Variants in CSGALNACT2 observed in about 807,000 individuals in gnomAD.
The protein encoded by CSGALNACT2 is chondroitin sulfate N-acetylgalactosaminyltransferase 2.
CSGALNACT2 carries 35 observed loss-of-function variants against 55.3 expected under a neutral mutation model. The ratio of observed to expected loss-of-function variants is 0.63; its 90% CI spans 0.48 to 0.84. CSGALNACT2 has a LOEUF of 0.84. CSGALNACT2 is among the 40% of genes least tolerant of loss of function. The probability of loss-of-function intolerance (pLI) is 0.00; values close to 1 mark genes in which losing one functional copy is unlikely to be tolerated. For synonymous variants in CSGALNACT2, 196 were observed against 224.9 expected (o/e 0.87, Z 1.15); for missense variants, 544 against 657.5 (o/e 0.83, Z 1.89).
chr10:43,177,746 G>C (rs1025410161), intron 7 of CSGALNACT2, among the ~76,000 whole-genome samples: 22 of 152,050 alleles, frequency 1.4e-4, no homozygotes, highest in Admixed American at 2.0e-4. Flanking sequence ...TAACTTTTTG[G>C]GTGGACATAG....
At chr10:43,142,682 A>G (rs1838655645) in intron 1 of CSGALNACT2, among the ~76,000 whole-genome samples, 1 of 152,204 alleles carries the variant, frequency 6.6e-6, no homozygotes, top group Non-Finnish European at 1.5e-5. Context: ...TTACTGTCTG[A>G]CCTAAAATAT....
At chr10:43,180,909 G>C (rs1252139460) in intron 7 of CSGALNACT2, among the ~76,000 whole-genome samples, 4 of 152,338 alleles carry the variant, frequency 2.6e-5, no homozygotes, top group African/African-American at 9.6e-5. Flanking sequence ...CTCCAAGTCA[G>C]TTAGGCACTG....
chr10:43,142,162 C>T (rs1838641774), intron 1 of CSGALNACT2, among the ~76,000 whole-genome samples: 1 of 151,892 alleles, frequency 6.6e-6, no homozygotes, highest in Admixed American at 6.6e-5. Context: ...CTAAGACTGG[C>T]TTTTACACTT....
chr10:43,162,173 C>A (rs1293200579), intron 4 of CSGALNACT2: 1 of 519,088 alleles, frequency 1.9e-6, no homozygotes, highest in Admixed American at 1.9e-5. Context: ...TTTTTCTCTG[C>A]ATGTTGACTT....
At chr10:43,162,491 G>A in intron 4 of CSGALNACT2, 1 of 985,374 alleles carries the variant, frequency 1.0e-6, no homozygotes, top group Non-Finnish European at 1.2e-6. Flanking sequence ...TGAGTATGTG[G>A]GGTGGCAATG....
At chr10:43,142,226 T>G (rs941773626) in intron 1 of CSGALNACT2, among the ~76,000 whole-genome samples, 17 of 152,124 alleles carry the variant, frequency 1.1e-4, no homozygotes, top group African/African-American at 3.9e-4. Context: ...ATTTATTTAT[T>G]TTTGAGACAG....
At position 43,155,507 on chromosome 10, in the gene CSGALNACT2, C is replaced by T. The variant is rs1489933476; in HGVS notation, c.358C>T (p.Leu120Phe). 1.2e-6 allele frequency: 2 copies of T among 1,614,100 alleles called. No homozygotes were observed. The highest frequency in any genetic ancestry group is 1.7e-6 in the Non-Finnish European group (2 of 1,180,048). Residue 120 changes from leucine (L) to phenylalanine (F), a missense_variant, in exon 2 of 8, where the codon CTT becomes TTT. By Grantham distance (22) the Leu-to-Phe change is conservative. Coordinates refer to ENST00000374466, the MANE Select transcript of CSGALNACT2 (RefSeq NM_018590.5). ...QSNKEQAPSD[L>F]LEFLHSQIDK... ...CAACAAAGAGCAAGCACCTAGTGAT[C>T]TTTTAGAGTTTCTTCATTCCCAAAT...
intron 7 of CSGALNACT2, 53 bp downstream of exon 7, chr10:43,176,085 G>T: frequency 3.5e-6 from 5 of 1,409,574 alleles, no homozygotes; most frequent in Non-Finnish European, 4.9e-6. Context: ...AGACTTAATG[G>T]TATTTTGCTA....
chr10:43,144,845 T>C (rs1303360355), intron 1 of CSGALNACT2, among the ~76,000 whole-genome samples: 4 of 152,230 alleles, frequency 2.6e-5, no homozygotes, highest in Non-Finnish European at 5.9e-5. Flanking sequence ...TGATTTACTT[T>C]CAGTTAACTA....
At chr10:43,167,241 C>T (rs1030731708) in intron 6 of CSGALNACT2, 143 bp downstream of exon 6, 2 of 604,790 alleles carry the variant, frequency 3.3e-6, no homozygotes, top group African/African-American at 1.9e-5. Flanking sequence ...ATTGTAAGCA[C>T]ATTTCCATAG....
intron 6 of CSGALNACT2, among the ~76,000 whole-genome samples, chr10:43,167,502 G>A (rs1477778837): frequency 2.0e-5 from 3 of 152,160 alleles, no homozygotes; most frequent in Non-Finnish European, 2.9e-5. Flanking sequence ...GAAAGTCATA[G>A]AATATAAATG....
chr10:43,158,978 T>C (rs994131696), intron 3 of CSGALNACT2, 47 bp downstream of exon 3: 4 of 1,167,704 alleles, frequency 3.4e-6, no homozygotes, highest in Non-Finnish European at 3.8e-6. Flanking sequence ...CTAAAAAAAA[T>C]CACGTTTTAC....
At chr10:43,162,590 A>G (rs1839175863) in intron 4 of CSGALNACT2, 7 of 985,416 alleles carry the variant, frequency 7.1e-6, no homozygotes, top group East Asian at 1.1e-4. Context: ...AGTCCACTCC[A>G]TGCACTATTT....
intron 1 of CSGALNACT2, among the ~76,000 whole-genome samples, chr10:43,147,116 C>T (rs1320059694): frequency 6.8e-6 from 1 of 147,260 alleles, no homozygotes; most frequent in Non-Finnish European, 1.5e-5. Flanking sequence ...GCTGGGACTA[C>T]AGGCGCCCGC....
At chr10:43,162,173 C>T in intron 4 of CSGALNACT2, 1 of 519,088 alleles carries the variant, frequency 1.9e-6, no homozygotes, top group Non-Finnish European at 3.8e-6. Flanking sequence ...TTTTTCTCTG[C>T]ATGTTGACTT....
intron 7 of CSGALNACT2, among the ~76,000 whole-genome samples, chr10:43,179,277 A>G (rs996384630): frequency 2.3e-4 from 33 of 144,618 alleles, no homozygotes; most frequent in African/African-American, 7.4e-4. Context: ...AGCGTATGTC[A>G]CATCTTCTTG....
chr10:43,169,046 A>G (rs1839329633), intron 6 of CSGALNACT2, among the ~76,000 whole-genome samples: 1 of 152,190 alleles, frequency 6.6e-6, no homozygotes, highest in South Asian at 2.1e-4. Context: ...GTGTGCTGAG[A>G]AGCAGGCATC....
chr10:43,183,840 G>A lies in CSGALNACT2; in HGVS notation c.*298G>A. On this transcript the variant is annotated 3_prime_UTR_variant, in exon 8 of 8. Transcript: ENST00000374466. ...GTGCCCATGTTCTGATTGTGTGTGGGATTGCATGGTGTCCTGATTGCATCT... is the reference window on the plus strand; with the variant it reads ...GTGCCCATGTTCTGATTGTGTGTGGAATTGCATGGTGTCCTGATTGCATCT... 1 of 394,508 alleles carries A rather than the reference G, an allele frequency of 2.5e-6. No individual in the cohort carries two copies. Among genetic ancestry groups the A allele is most frequent in the Non-Finnish European group, 4.8e-6 (1 of 209,902 alleles). The allele number at this position is 394,508 out of a possible 1,614,324, so 24.4% of individuals were successfully genotyped here.
chr10:43,180,648 A>AGT (rs1839573180), intron 7 of CSGALNACT2, among the ~76,000 whole-genome samples: 1 of 152,162 alleles, frequency 6.6e-6, no homozygotes, highest in Non-Finnish European at 1.5e-5. Flanking sequence ...CTTAACTTTT[A>AGT]GTATACCTTG....
Sources: gnomAD v4.1 joint callset for allele counts (sites outside exome capture counted in the v4.1 genomes callset) on GRCh38, gnomAD v4.1.1 for gene constraint, MANE v1.5 for transcripts, NCBI Gene and HGNC (gene_info 2026-07-23, HGNC 2026-07-21) for gene names.